The following PDSS1 variants were observed in gnomAD, a reference collection of about 807,000 sequenced individuals.
PDSS1 encodes the protein decaprenyl diphosphate synthase subunit 1.
Under a neutral mutation model 57.5 loss-of-function variants are expected in PDSS1, and 43 were observed. That is an observed-to-expected ratio of 0.75 (90% CI 0.59 to 0.96). The LOEUF (loss-of-function observed/expected upper bound fraction) is 0.96, where lower values mean the gene tolerates loss of function less well. PDSS1 is among the 50% of genes least tolerant of loss of function. PDSS1 has a pLI of 0.00. For missense variants in PDSS1, 438 were observed against 527.8 expected (o/e 0.83, Z 1.67); for synonymous variants, 175 against 191.3 (o/e 0.91, Z 0.70).
chr10:26,713,033 C>G lies in PDSS1; in HGVS notation c.467+3265C>G, dbSNP rs111311790. 9.8e-4 allele frequency among the ~76,000 whole-genome samples: 95 copies of G among 96,528 alleles called. 26 individuals are homozygous for G. Among genetic ancestry groups the G allele is most frequent in the African/African-American group, 3.2e-3 (94 of 29,598 alleles). The allele number at this position is 96,528 out of a possible 152,430, so 63.3% of individuals were successfully genotyped here. The stretch of plus-strand genomic sequence containing the variant: ...TTTTGCTGGGCACAGTGGCTCACGC[C>G]TGTAATCCCAGCACTTTGGGAGGCT... On this transcript the variant is annotated intron_variant, in intron 5 of 11. Transcript: ENST00000376215.
At chr10:26,716,621 G>A (rs1835591327) in intron 5 of PDSS1, among the ~76,000 whole-genome samples, 1 of 152,058 alleles carries the variant, frequency 6.6e-6, no homozygotes, top group Non-Finnish European at 1.5e-5. Context: ...AAACAAGGAG[G>A]CGAAGGTTGC....
At chr10:26,703,423 ATCACTTTTGCTCAG>A (rs1835106164) in intron 2 of PDSS1, among the ~76,000 whole-genome samples, 1 of 36,838 alleles carries the variant, frequency 2.7e-5, no homozygotes, top group Non-Finnish European at 9.0e-5. Context: ...TGGCAGGAGG[ATCACTTTTGCTCAG>A]GATTTCTAAT....
chr10:26,746,241 C>T (rs1311588165), intron 11 of PDSS1, 92 bp from the exon 12 acceptor site: 2 of 1,300,226 alleles, frequency 1.5e-6, no homozygotes, highest in Non-Finnish European at 2.2e-6. Context: ...CATCTGATCT[C>T]AAAACTATGT....
intron 2 of PDSS1, among the ~76,000 whole-genome samples, chr10:26,702,971 C>G (rs1433563091): frequency 6.6e-6 from 1 of 152,156 alleles, no homozygotes; most frequent in African/African-American, 2.4e-5. Context: ...GCACCTCTCA[C>G]CTCCCTTTGA....
intron 10 of PDSS1, among the ~76,000 whole-genome samples, chr10:26,735,868 T>C (rs1588703489): frequency 6.6e-6 from 1 of 152,202 alleles, no homozygotes; most frequent in African/African-American, 2.4e-5. Flanking sequence ...TGGTGTGCCA[T>C]AGGCATTTGA....
chr10:26,744,378 AT>A (rs1340364231), intron 11 of PDSS1, among the ~76,000 whole-genome samples: 2 of 151,902 alleles, frequency 1.3e-5, no homozygotes, highest in African/African-American at 4.8e-5. Flanking sequence ...TTTTATTTTT[AT>A]TTTATTATTT....
intron 8 of PDSS1, among the ~76,000 whole-genome samples, chr10:26,729,100 T>C (rs1836075151): frequency 6.6e-6 from 1 of 152,092 alleles, no homozygotes; most frequent in Non-Finnish European, 1.5e-5. Context: ...ATTCTGTAGA[T>C]TATAACACTG....
At chr10:26,734,260 C>T (rs1299348984) in intron 8 of PDSS1, among the ~76,000 whole-genome samples, 1 of 152,258 alleles carries the variant, frequency 6.6e-6, no homozygotes, top group Non-Finnish European at 1.5e-5. Context: ...AGAGGCACGA[C>T]CGAAGGTCAG....
chr10:26,736,777 G>A (rs1836420895), intron 10 of PDSS1, among the ~76,000 whole-genome samples: 1 of 152,170 alleles, frequency 6.6e-6, no homozygotes, highest in Non-Finnish European at 1.5e-5. Context: ...TGGAGGCTGA[G>A]GTAAGAAGTG....
chr10:26,735,007 C>A (rs1836342605), intron 8 of PDSS1, among the ~76,000 whole-genome samples: 1 of 152,170 alleles, frequency 6.6e-6, no homozygotes, highest in African/African-American at 2.4e-5. Context: ...TGTCTGAAAG[C>A]AGGGGTTGGA....
intron 8 of PDSS1, among the ~76,000 whole-genome samples, chr10:26,733,830 T>C (rs115389424): frequency 3.9e-4 from 60 of 152,110 alleles, no homozygotes; most frequent in African/African-American, 1.4e-3. Context: ...AAAAATTAGC[T>C]GGGTGTGGTT....
Position 26,726,506 on chromosome 10 carries a change from T to C in PDSS1, c.831+2383T>C, listed in dbSNP as rs77266281. Among the ~76,000 whole-genome samples, 444 of 152,240 alleles carry C rather than the reference T, an allele frequency of 2.9e-3. 4 individuals carry two copies. The highest frequency in any genetic ancestry group is 0.01 in the Middle Eastern group (3 of 294). ...TCTTGGTATTTAAAATGCAAAGCCATGCGAGCTCCAAATAAATGCATGCAA... is the reference window on the plus strand; with the variant it reads ...TCTTGGTATTTAAAATGCAAAGCCACGCGAGCTCCAAATAAATGCATGCAA... On this transcript the variant is annotated intron_variant, in intron 8 of 11. Transcript: ENST00000376215.
At chr10:26,744,772 CAAAAAGGAACAGCAAACTA>C (rs1020828159) in intron 11 of PDSS1, among the ~76,000 whole-genome samples, 6 of 152,102 alleles carry the variant, frequency 3.9e-5, no homozygotes, top group Non-Finnish European at 8.8e-5. Flanking sequence ...GGCTTCTGTA[CAAAAAGGAACAGCAAACTA>C]AAATATGTCA....
Position 26,706,393 on chromosome 10 carries a change from C to G in PDSS1, c.336+999C>G, listed in dbSNP as rs778157034. Reference sequence around the variant, plus strand: ...GGAGGAAGAACTCCTTCAGCTCCTGCTCTGTCGCAATTGGCCAGCTTGCCT... The same window carrying G: ...GGAGGAAGAACTCCTTCAGCTCCTGGTCTGTCGCAATTGGCCAGCTTGCCT... On this transcript the variant is annotated intron_variant, in intron 4 of 11. Coordinates refer to ENST00000376215, the MANE Select transcript of PDSS1 (RefSeq NM_014317.5). 3.2e-4 allele frequency among the ~76,000 whole-genome samples: 48 copies of G among 152,206 alleles called. 2 individuals are homozygous for G. Among genetic ancestry groups the G allele is most frequent in the Admixed American group, 3.3e-4 (5 of 15,284 alleles).
intron 8 of PDSS1, among the ~76,000 whole-genome samples, chr10:26,733,081 G>A (rs1378273271): frequency 5.3e-5 from 8 of 152,058 alleles, no homozygotes; most frequent in Admixed American, 1.3e-4. Flanking sequence ...GAGAGACTCC[G>A]TCTCCAAAAA....
Position 26,697,852 on chromosome 10 carries a change from A to C in PDSS1, c.129+12A>C. ...AAGTCCGCGCGCAGGTGAGGTTGGG[A>C]GGCGCGCGCCCGGCGGGGCTCAGAG... On this transcript the variant is annotated intron_variant, in intron 1 of 11. Transcript: ENST00000376215. The C allele has an allele frequency of 7.6e-7, 1 of 1,310,984 alleles. No homozygotes were observed. Among genetic ancestry groups the C allele is most frequent in the Non-Finnish European group, 9.8e-7 (1 of 1,021,426 alleles). 81.2% of individuals were successfully genotyped at this position (1,310,984 alleles called of 1,614,324 possible). A position where few individuals can be genotyped will look rare whatever the true frequency, so the allele number is the denominator to read the frequency against.
chr10:26,735,890 G>T (rs1262926720), intron 10 of PDSS1, among the ~76,000 whole-genome samples: 1 of 152,192 alleles, frequency 6.6e-6, no homozygotes, highest in Non-Finnish European at 1.5e-5. Flanking sequence ...GTAGCATCGT[G>T]ATTATTTCCA....
intron 8 of PDSS1, among the ~76,000 whole-genome samples, chr10:26,730,649 A>G (rs4369307): frequency 0.16 from 24,337 of 152,006 alleles, 2,090 homozygotes; most frequent in Admixed American, 0.2. Flanking sequence ...ACATTAATGT[A>G]GCTCCAAAAG....
intron 4 of PDSS1, among the ~76,000 whole-genome samples, chr10:26,708,595 T>C (rs1405897290): frequency 6.6e-6 from 1 of 152,222 alleles, no homozygotes; most frequent in Non-Finnish European, 1.5e-5. Context: ...GCCCATGCCT[T>C]ATATGGGCTC....
Sources: gnomAD v4.1 joint callset for allele counts (sites outside exome capture counted in the v4.1 genomes callset) on GRCh38, gnomAD v4.1.1 for gene constraint, MANE v1.5 for transcripts, NCBI Gene and HGNC (gene_info 2026-07-23, HGNC 2026-07-21) for gene names.